GNS: variants seen among roughly 807,000 people sequenced by gnomAD.
GNS encodes glucosamine (N-acetyl)-6-sulfatase.
Under a neutral mutation model 69.7 loss-of-function variants are expected in GNS, and 40 were observed. That is an observed-to-expected ratio of 0.57 (90% CI 0.45 to 0.75). The LOEUF (loss-of-function observed/expected upper bound fraction) is 0.75. GNS is among the 30% of genes least tolerant of loss of function. The pLI, the probability that GNS is intolerant of heterozygous loss-of-function variation, is 0.00. For missense variants in GNS, 565 were observed against 685.5 expected (o/e 0.82, Z 1.96); for synonymous variants, 243 against 251.6 (o/e 0.97, Z 0.32).
intron 8 of GNS, among the ~76,000 whole-genome samples, chr12:64,737,920 G>A (rs1428901723): frequency 2.6e-5 from 4 of 152,096 alleles, no homozygotes; most frequent in African/African-American, 9.7e-5. Context: ...ACATTCTGAT[G>A]GACAAAGACC....
intron 2 of GNS, among the ~76,000 whole-genome samples, chr12:64,752,421 T>C (rs1001108535): frequency 1.1e-4 from 16 of 152,362 alleles, no homozygotes; most frequent in Admixed American, 5.2e-4. Context: ...GCATACATAT[T>C]CCTTGATTTT....
chr12:64,745,634 G>A (rs771583071), intron 4 of GNS, 25 bp downstream of exon 4: 1 of 1,354,334 alleles, frequency 7.4e-7, no homozygotes, highest in Non-Finnish European at 1.1e-6. Context: ...GCATAAAATT[G>A]TCACAGACTT....
At chr12:64,732,716 C>T (rs992188446) in intron 9 of GNS, among the ~76,000 whole-genome samples, 1 of 152,118 alleles carries the variant, frequency 6.6e-6, no homozygotes, top group African/African-American at 2.4e-5. Flanking sequence ...CTGCCTCGGC[C>T]TCCCAAAGTG....
intron 9 of GNS, among the ~76,000 whole-genome samples, chr12:64,733,909 AT>A (rs1869482073): frequency 6.6e-6 from 1 of 152,258 alleles, no homozygotes; most frequent in African/African-American, 2.4e-5. Flanking sequence ...AATCTTTGAC[AT>A]CTACACATAT....
intron 10 of GNS, among the ~76,000 whole-genome samples, chr12:64,725,683 T>A (rs937942416): frequency 1.3e-5 from 2 of 152,150 alleles, no homozygotes; most frequent in Admixed American, 1.3e-4. Context: ...CTAGAGTGAA[T>A]CAGTTTTTTT....
chr12:64,756,550 G>T, intron 1 of GNS: 1 of 581,662 alleles, frequency 1.7e-6, no homozygotes, highest in South Asian at 2.2e-5. Flanking sequence ...TTAGCTATAT[G>T]AACTTAGTCA....
intron 6 of GNS, 47 bp from the exon 7 acceptor site, chr12:64,740,735 A>G: frequency 1.1e-6 from 1 of 874,858 alleles, no homozygotes; most frequent in Non-Finnish European, 2.0e-6. Context: ...CACCACAGTC[A>G]AACAAACTAC....
chr12:64,747,107 G>A (rs1869919135), intron 3 of GNS, among the ~76,000 whole-genome samples: 1 of 152,212 alleles, frequency 6.6e-6, no homozygotes, highest in Non-Finnish European at 1.5e-5. Context: ...AGCCTTGACA[G>A]GTCACCACGA....
intron 6 of GNS, among the ~76,000 whole-genome samples, chr12:64,742,104 T>C (rs1869757515): frequency 6.6e-6 from 1 of 152,174 alleles, no homozygotes; most frequent in African/African-American, 2.4e-5. Context: ...CACGGCAAGC[T>C]CCGCCTCCCG....
chr12:64,720,866 C>G (rs75864620), intron 12 of GNS, among the ~76,000 whole-genome samples: 2,212 of 152,260 alleles, frequency 0.015, 29 homozygotes, highest in Middle Eastern at 0.038. Flanking sequence ...CCCTCACTCA[C>G]ACAATCACTT....
chr12:64,721,308 A>G (rs182309374), intron 12 of GNS, among the ~76,000 whole-genome samples: 84 of 152,348 alleles, frequency 5.5e-4, no homozygotes, highest in African/African-American at 1.9e-3. Context: ...CCAATCTACC[A>G]GGGAAGCTAA....
intron 1 of GNS, among the ~76,000 whole-genome samples, chr12:64,755,438 C>T (rs999097659): frequency 3.3e-5 from 5 of 151,446 alleles, no homozygotes; most frequent in Admixed American, 1.3e-4. Flanking sequence ...ATTAGCCGGG[C>T]GTGGTGGTGG....
At position 64,747,934 on chromosome 12, in the gene GNS, A is replaced by C; in HGVS notation, c.253-16T>G. The C allele has an allele frequency of 2.1e-6, 3 of 1,419,576 alleles. No individual in the cohort carries two copies. The allele number at this position is 1,419,576 out of a possible 1,614,324, so 87.9% of individuals were successfully genotyped here. A position where few individuals can be genotyped will look rare whatever the true frequency, so the allele number is the denominator to read the frequency against. On this transcript the variant is annotated splice_polypyrimidine_tract_variant and intron_variant, in intron 2 of 13. Transcript: ENST00000258145. ...TTGGCACATACTACAAAGGAAAGGA[A>C]GCAAAAACGACAAAGTCACACAAGA...
At chr12:64,736,966 G>A in intron 9 of GNS, 38 bp downstream of exon 9, 1 of 983,666 alleles carries the variant, frequency 1.0e-6, no homozygotes, top group Non-Finnish European at 1.7e-6. Flanking sequence ...TCAGGCAAGT[G>A]CCTACCTGTC....
chr12:64,716,409 G>T lies in GNS; in HGVS notation c.*332C>A, dbSNP rs111768263. ...AAAGTACTGCCATTTATCTGAATGG[G>T]TTTACAAATTCAGTCTTTAACCACA... On this transcript the variant is annotated 3_prime_UTR_variant, in exon 14 of 14. Transcript: ENST00000258145. The T allele has an allele frequency of 6.0e-5, 23 of 381,586 alleles. 2 individuals carry two copies. Among genetic ancestry groups the T allele is most frequent in the African/African-American group, 3.5e-4 (17 of 48,438 alleles). The allele number at this position is 381,586 out of a possible 1,614,324, so 23.6% of individuals were successfully genotyped here.
intron 9 of GNS, among the ~76,000 whole-genome samples, chr12:64,731,430 T>C (rs533900663): frequency 2.4e-4 from 37 of 152,244 alleles, no homozygotes; most frequent in African/African-American, 7.9e-4. Context: ...TAAGTTCCAG[T>C]ATAAATCCAA....
chr12:64,755,461 C>T lies in GNS; in HGVS notation c.193-2704G>A, dbSNP rs1434483840. ...GGCGTGGTGGTGGGTGCCTGTAAAC[C>T]CAGCTACTTGGGAGGCTGAGACAGG... On this transcript the variant is annotated intron_variant, in intron 1 of 13. Transcript: ENST00000258145. 4.0e-5 allele frequency among the ~76,000 whole-genome samples: 6 copies of T among 151,194 alleles called. No individual in the cohort carries two copies. The East Asian group carries it at 1.0e-3, about 25-fold the overall frequency.
chr12:64,726,799 A>G (rs1320270876), intron 10 of GNS, among the ~76,000 whole-genome samples: 1 of 152,164 alleles, frequency 6.6e-6, no homozygotes, highest in Non-Finnish European at 1.5e-5. Context: ...CCTGGCTCCC[A>G]TATCTTAATA....
chr12:64,733,205 G>C (rs1428354003), intron 9 of GNS, among the ~76,000 whole-genome samples: 1 of 148,682 alleles, frequency 6.7e-6, no homozygotes, highest in Non-Finnish European at 1.5e-5. Context: ...GGCTGAGGTA[G>C]GAGAATCACC....
Sources: allele counts gnomAD v4.1 joint callset (sites outside exome capture counted in the v4.1 genomes callset), GRCh38; gene constraint gnomAD v4.1.1; transcripts MANE v1.5; gene names NCBI Gene and HGNC (gene_info 2026-07-23, HGNC 2026-07-21).